FOXP2: variants seen among roughly 807,000 people sequenced by gnomAD.
FOXP2 encodes the protein forkhead box P2.
FOXP2 carries 12 observed loss-of-function variants against 115.8 expected under a neutral mutation model. The observed-to-expected ratio is 0.10, with a 90% CI of 0.07 to 0.17. The LOEUF is 0.17. Ranked by LOEUF, FOXP2 falls within the 10% of genes least tolerant of loss-of-function variation. The pLI is 1.00. For synonymous variants in FOXP2, 328 were observed against 297.7 expected (o/e 1.10, Z -1.05); for missense variants, 629 against 843.5 (o/e 0.75, Z 3.15).
intron 3 of FOXP2, among the ~76,000 whole-genome samples, chr7:114,601,630 T>A (rs895288711): frequency 6.6e-6 from 1 of 152,162 alleles, no homozygotes; most frequent in African/African-American, 2.4e-5. Context: ...AGACTATAAA[T>A]TTCCCTTTAA....
intron 2 of FOXP2, among the ~76,000 whole-genome samples, chr7:114,333,508 A>G (rs983685844): frequency 6.6e-6 from 1 of 152,216 alleles, no homozygotes; most frequent in Non-Finnish European, 1.5e-5. Context: ...ATCCCAGCAC[A>G]TCGGAAGGCC....
At chr7:114,103,333 T>C (rs1212358548) in intron 1 of FOXP2, among the ~76,000 whole-genome samples, 2 of 152,242 alleles carry the variant, frequency 1.3e-5, no homozygotes, top group Admixed American at 1.3e-4. Flanking sequence ...AGCAGCCAGA[T>C]AATGAGGTTT....
chr7:114,457,404 A>G (rs1383345941), intron 2 of FOXP2, among the ~76,000 whole-genome samples: 1 of 152,186 alleles, frequency 6.6e-6, no homozygotes, highest in Non-Finnish European at 1.5e-5. Context: ...ATTAAAAAAA[A>G]ATCATAATTT....
chr7:114,251,867 C>T (rs1024401110), intron 1 of FOXP2, among the ~76,000 whole-genome samples: 1 of 152,146 alleles, frequency 6.6e-6, no homozygotes, highest in Non-Finnish European at 1.5e-5. Flanking sequence ...CTGTCTTGTG[C>T]CAGTTTTCAA....
chr7:114,409,844 C>G (rs1044838556), upstream of FOXP2, among the ~76,000 whole-genome samples: 1 of 151,976 alleles, frequency 6.6e-6, no homozygotes, highest in Non-Finnish European at 1.5e-5. Flanking sequence ...CTTGATACTC[C>G]CTGTTGCCCA....
intron 9 of FOXP2, 71 bp downstream of exon 9, chr7:114,652,361 C>A (rs2129337935): frequency 7.3e-7 from 1 of 1,371,876 alleles, no homozygotes; most frequent in Admixed American, 1.8e-5. Flanking sequence ...TGAGCAGATT[C>A]TGGGTCTTTC....
intron 1 of FOXP2, among the ~76,000 whole-genome samples, chr7:114,209,887 A>T (rs1794299297): frequency 6.6e-6 from 1 of 152,136 alleles, no homozygotes; most frequent in Admixed American, 6.5e-5. Context: ...AAGAGTTTAC[A>T]AGCTCTGAGA....
At chr7:114,638,250 C>G (rs1431746663) in intron 6 of FOXP2, among the ~76,000 whole-genome samples, 3 of 152,028 alleles carry the variant, frequency 2.0e-5, no homozygotes, top group South Asian at 2.1e-4. Flanking sequence ...TTTTCTTGCT[C>G]AAATAGAATT....
intron 1 of FOXP2, among the ~76,000 whole-genome samples, chr7:114,257,878 T>G (rs1343545406): frequency 6.6e-6 from 1 of 152,210 alleles, no homozygotes; most frequent in Non-Finnish European, 1.5e-5. Context: ...GAGCATGCTT[T>G]GTATGCTTAA....
chr7:114,123,710 T>A (rs1488952074), intron 1 of FOXP2, among the ~76,000 whole-genome samples: 2 of 152,124 alleles, frequency 1.3e-5, no homozygotes, highest in Non-Finnish European at 2.9e-5. Flanking sequence ...TTCTTTCAGA[T>A]TTGTGTACAA....
intron 9 of FOXP2, chr7:114,653,313 T>C (rs1358101906): frequency 6.3e-6 from 1 of 158,808 alleles, no homozygotes; most frequent in Non-Finnish European, 1.4e-5. Context: ...CTATTTTTTT[T>C]TTTTCCTTCT....
intron 2 of FOXP2, among the ~76,000 whole-genome samples, chr7:114,469,171 C>T (rs1350478722): frequency 6.6e-6 from 1 of 151,916 alleles, no homozygotes; most frequent in Non-Finnish European, 1.5e-5. Flanking sequence ...TCTTCCATTG[C>T]CAGTTTTATA....
intron 2 of FOXP2, among the ~76,000 whole-genome samples, chr7:114,306,371 G>A (rs1393487298): frequency 6.6e-6 from 1 of 152,100 alleles, no homozygotes; most frequent in East Asian, 1.9e-4. Flanking sequence ...CATTACAGCT[G>A]AGGAACACTC....
chr7:114,431,399 T>C (rs539838426), intron 2 of FOXP2, among the ~76,000 whole-genome samples: 2 of 151,956 alleles, frequency 1.3e-5, no homozygotes, highest in South Asian at 2.1e-4. Context: ...GAATTTGAGA[T>C]GAGAAATCTG....
intron 8 of FOXP2, among the ~76,000 whole-genome samples, chr7:114,650,090 C>A (rs1806156596): frequency 6.6e-6 from 1 of 152,094 alleles, no homozygotes; most frequent in Non-Finnish European, 1.5e-5. Flanking sequence ...TTATTGTAGT[C>A]TACAGTCTCT....
At chr7:114,461,425 A>G (rs1159171481) in intron 2 of FOXP2, among the ~76,000 whole-genome samples, 2 of 151,210 alleles carry the variant, frequency 1.3e-5, no homozygotes, top group Non-Finnish European at 2.9e-5. Flanking sequence ...TTATTATTCT[A>G]TTTGACCATG....
At chr7:114,373,708 A>T (rs117970722) in intron 2 of FOXP2, among the ~76,000 whole-genome samples, 1,551 of 152,302 alleles carry the variant, frequency 0.01, 11 homozygotes, top group Non-Finnish European at 0.017. Flanking sequence ...AGAAGAAGAA[A>T]CTGTAGATAT....
At chr7:114,581,044 G>A (rs73438574) in intron 3 of FOXP2, among the ~76,000 whole-genome samples, 3,298 of 147,080 alleles carry the variant, frequency 0.022, 113 homozygotes, top group African/African-American at 0.076. Flanking sequence ...GCAGTCAAAG[G>A]CCAATAGAAG....
At chr7:114,417,633 C>T (rs1793407174) in intron 1 of FOXP2, among the ~76,000 whole-genome samples, 1 of 151,940 alleles carries the variant, frequency 6.6e-6, no homozygotes, top group African/African-American at 2.4e-5. Context: ...TAATTTTCCA[C>T]CTCTGTTCAC....
Sources: gnomAD v4.1 joint callset for allele counts (sites outside exome capture counted in the v4.1 genomes callset) on GRCh38, gnomAD v4.1.1 for gene constraint, MANE v1.5 for transcripts, NCBI Gene and HGNC (gene_info 2026-07-23, HGNC 2026-07-21) for gene names.